The following ARID3A variants were observed in gnomAD, a reference collection of about 807,000 sequenced individuals.
ARID3A encodes the protein AT-rich interactive domain-containing protein 3A.
A neutral mutation model predicts 52.7 loss-of-function variants in ARID3A; 11 were observed. The observed-to-expected ratio is 0.21, with a 90% CI of 0.13 to 0.35. The LOEUF is 0.35. Among genes scored for constraint, ARID3A ranks in the 10% least tolerant of loss-of-function variants. The pLI is 1.00. For missense variants in ARID3A, 721 were observed against 838.5 expected (o/e 0.86, Z 1.73); for synonymous variants, 404 against 359.4 (o/e 1.12, Z -1.40).
At position 972,142 on chromosome 19, in the gene ARID3A, C is replaced by T; in HGVS notation, c.*77C>T. ...GGGGTCCAGGTGGGCCACACAGGGG[C>T]CAGGATGGCGGAAGATACGGGTGGG... On this transcript the variant is annotated 3_prime_UTR_variant, in exon 9 of 9. Coordinates refer to ENST00000263620, the MANE Select transcript of ARID3A (RefSeq NM_005224.3). 4 of 1,368,650 alleles carry T rather than the reference C, an allele frequency of 2.9e-6. No homozygotes were observed. Among genetic ancestry groups the T allele is most frequent in the Non-Finnish European group, 3.9e-6 (4 of 1,036,048 alleles). The allele number at this position is 1,368,650 out of a possible 1,614,324, so 84.8% of individuals were successfully genotyped here.
Position 937,377 on chromosome 19 carries a change from C to T in ARID3A, c.693+4635C>T, listed in dbSNP as rs546892110. 1.2e-4 allele frequency among the ~76,000 whole-genome samples: 18 copies of T among 152,304 alleles called. No homozygotes were observed. The South Asian group carries it at 3.1e-3, about 26-fold the overall frequency. On this transcript the variant is annotated intron_variant, in intron 3 of 8. Transcript: ENST00000263620. ...GGTGCATCAGCACCGTGGCCTGGGT[C>T]GGAGTCTCCTTCCTTTTCACGGCTG...
intron 2 of ARID3A, among the ~76,000 whole-genome samples, chr19:930,799 A>C (rs62132342): frequency 6.7e-6 from 1 of 149,880 alleles, no homozygotes; most frequent in East Asian, 2.1e-4. Flanking sequence ...GTGAGCCACC[A>C]CACCCGGCCA....
intron 3 of ARID3A, among the ~76,000 whole-genome samples, chr19:953,933 C>T (rs973067119): frequency 1.3e-5 from 2 of 152,146 alleles, no homozygotes; most frequent in Non-Finnish European, 2.9e-5. Flanking sequence ...ATTAGCCGAG[C>T]GTGGTGGTGC....
chr19:942,651 G>T lies in ARID3A; in HGVS notation c.693+9909G>T, dbSNP rs952475659. On this transcript the variant is annotated intron_variant, in intron 3 of 8. Transcript: ENST00000263620. This position sits in a 1 kb window ranked among gnomAD's most constrained non-coding sequence, Gnocchi z 8.1. Reference sequence around the variant, plus strand: ...GGTGGGCAGGGAGTAGGTGGAGGCCGCCCCTCCCACTGCCCCGCAGGCCCT... The same window carrying T: ...GGTGGGCAGGGAGTAGGTGGAGGCCTCCCCTCCCACTGCCCCGCAGGCCCT... Among the ~76,000 whole-genome samples the T allele has an allele frequency of 6.6e-6, 1 of 152,168 alleles. No individual in the cohort carries two copies. Among genetic ancestry groups the T allele is most frequent in the African/African-American group, 2.4e-5 (1 of 41,454 alleles).
intron 3 of ARID3A, among the ~76,000 whole-genome samples, chr19:954,715 G>C (rs559486705): frequency 1.3e-5 from 2 of 152,094 alleles, no homozygotes; most frequent in South Asian, 4.1e-4. Flanking sequence ...AGGACGGGGG[G>C]CTCCCCTCCA....
At position 964,216 on chromosome 19, in the gene ARID3A, G is replaced by A. The variant is rs1229997486; in HGVS notation, c.767-32G>A. On this transcript the variant is annotated intron_variant, in intron 4 of 8. Transcript: ENST00000263620. The surrounding 1 kb of genome is among the most constrained non-coding windows in gnomAD (Gnocchi z 5.7). ...CTCGGCTCCCTGCAGTGCCCAGGTG[G>A]CCCCCAACCTCCCTCTCGCCCCTTC... The A allele has an allele frequency of 1.3e-6, 2 of 1,580,630 alleles. No homozygotes were observed. Among genetic ancestry groups the A allele is most frequent in the African/African-American group, 1.3e-5 (1 of 74,376 alleles).
intron 4 of ARID3A, among the ~76,000 whole-genome samples, chr19:961,586 G>A (rs751483422): frequency 5.3e-5 from 8 of 152,180 alleles, no homozygotes; most frequent in Non-Finnish European, 7.3e-5. Flanking sequence ...GCTGTTACCC[G>A]TGCCTGGTAC....
At chr19:963,570 G>A (rs1376029105) in intron 4 of ARID3A, among the ~76,000 whole-genome samples, 1 of 152,150 alleles carries the variant, frequency 6.6e-6, no homozygotes. Flanking sequence ...TCTGCAGCCG[G>A]CTCCAGGAGT....
chr19:957,086 C>T (rs535185662), intron 3 of ARID3A, among the ~76,000 whole-genome samples: 34 of 138,850 alleles, frequency 2.4e-4, no homozygotes, highest in African/African-American at 8.8e-4. Context: ...CCGGCTTTCC[C>T]CCACCCTGCC....
chr19:958,948 G>C (rs991119094), intron 3 of ARID3A, among the ~76,000 whole-genome samples: 2 of 152,154 alleles, frequency 1.3e-5, no homozygotes, highest in African/African-American at 4.8e-5. Flanking sequence ...TGTGTTAGAC[G>C]CACAGACACT....
intron 3 of ARID3A, among the ~76,000 whole-genome samples, chr19:936,911 C>G (rs1031829179): frequency 2.6e-5 from 4 of 152,044 alleles, no homozygotes; most frequent in Admixed American, 2.6e-4. Flanking sequence ...ACGCCCCAGC[C>G]CCTGGCAACC....
In ARID3A at chr19:964,809, C is replaced by G; in HGVS notation, c.951-24C>G. 1 of 1,605,038 alleles carries G rather than the reference C, an allele frequency of 6.2e-7. No individual in the cohort carries two copies. Among genetic ancestry groups the G allele is most frequent in the Non-Finnish European group, 8.5e-7 (1 of 1,173,198 alleles). On this transcript the variant is annotated intron_variant, in intron 5 of 8. Transcript: ENST00000263620. The surrounding 1 kb of genome is among the most constrained non-coding windows in gnomAD (Gnocchi z 5.7). ...GCCGTAGGGGTGACCCGGGTGCCAT[C>G]CTCTTCCCTCGTCCCACCCACAGAT...
rs1288682891 is a variant in ARID3A, at chr19:973,644, C to G, written c.*1579C>G. On this transcript the variant is annotated 3_prime_UTR_variant, in exon 9 of 9. Coordinates refer to ENST00000263620, the MANE Select transcript of ARID3A (RefSeq NM_005224.3). ...TTTCAGGGCCCCGGCATCCTGAACA[C>G]CCCCCACACCCCAACATTCTCCTCG... 7 of 224,584 alleles carry G rather than the reference C, an allele frequency of 3.1e-5. No individual in the cohort carries two copies. Among genetic ancestry groups the G allele is most frequent in the African/African-American group, 1.6e-4 (7 of 44,768 alleles). 13.9% of individuals were successfully genotyped at this position (224,584 alleles called of 1,614,324 possible). A position where few individuals can be genotyped will look rare whatever the true frequency, so the allele number is the denominator to read the frequency against.
chr19:933,154 C>T (rs569452318), intron 3 of ARID3A, among the ~76,000 whole-genome samples: 4 of 152,282 alleles, frequency 2.6e-5, no homozygotes, highest in Admixed American at 6.5e-5. Context: ...TCCTCTGTCC[C>T]CTGGCATCTG....
chr19:930,122 G>A (rs1413616766), intron 2 of ARID3A, among the ~76,000 whole-genome samples: 1 of 152,132 alleles, frequency 6.6e-6, no homozygotes, highest in Non-Finnish European at 1.5e-5. Context: ...AAATTAGCCA[G>A]GCATGGTGGT....
At chr19:933,103 G>A (rs112113107) in intron 3 of ARID3A, among the ~76,000 whole-genome samples, 292 of 152,312 alleles carry the variant, frequency 1.9e-3, no homozygotes, top group African/African-American at 6.7e-3. Context: ...CGGGCGATGC[G>A]GGCAGAGAGG....
chr19:967,570 A>G (rs1055276963), intron 7 of ARID3A, among the ~76,000 whole-genome samples: 1 of 151,540 alleles, frequency 6.6e-6, no homozygotes, highest in Non-Finnish European at 1.5e-5. Flanking sequence ...AAAACAAGGT[A>G]AAAAAAAACA....
intron 8 of ARID3A, among the ~76,000 whole-genome samples, chr19:970,096 C>T (rs532699589): frequency 2.6e-5 from 4 of 151,968 alleles, no homozygotes; most frequent in Non-Finnish European, 5.9e-5. Flanking sequence ...GGGTGGGTCA[C>T]AAGGTCAGGA....
Position 974,474 on chromosome 19 carries a change from C to T in ARID3A, c.*2409C>T, listed in dbSNP as rs943860049. On this transcript the variant is annotated 3_prime_UTR_variant, in exon 9 of 9. Coordinates refer to ENST00000263620, the MANE Select transcript of ARID3A (RefSeq NM_005224.3). ...TCCAGGGCTCCTCTCCCGGGACCCC[C>T]GTCCCACGCCTGGGCCCCGCGCCGG... 4.3e-5 allele frequency: 10 copies of T among 230,898 alleles called. No homozygotes were observed. The highest frequency in any genetic ancestry group is 5.6e-5 in the Admixed American group (1 of 17,706). 14.3% of individuals were successfully genotyped at this position (230,898 alleles called of 1,614,324 possible). A position where few individuals can be genotyped will look rare whatever the true frequency, so the allele number is the denominator to read the frequency against.
Sources: allele counts gnomAD v4.1 joint callset (sites outside exome capture counted in the v4.1 genomes callset), GRCh38; gene constraint gnomAD v4.1.1; non-coding constraint Gnocchi (gnomAD v3.1); transcripts MANE v1.5; gene names NCBI Gene and HGNC (gene_info 2026-07-23, HGNC 2026-07-21).